ABR: variants seen among roughly 807,000 people sequenced by gnomAD.
ABR encodes active breakpoint cluster region-related protein.
In ABR, 35 loss-of-function variants were observed where a neutral mutation model predicts 107.2. The observed-to-expected ratio is 0.33, with a 90% CI of 0.25 to 0.43. The LOEUF is 0.43. Ranked by LOEUF, ABR falls within the 20% of genes least tolerant of loss-of-function variation. The probability of loss-of-function intolerance (pLI) is 1.00; values close to 1 mark genes in which losing one functional copy is unlikely to be tolerated. For synonymous variants in ABR, 498 were observed against 462.0 expected (o/e 1.08, Z -1.00); for missense variants, 815 against 1,115.2 (o/e 0.73, Z 3.83).
At chr17:1,192,302 A>G (rs559471753), upstream of ABR, among the ~76,000 whole-genome samples, 1 of 152,216 alleles carries the variant, frequency 6.6e-6, no homozygotes, top group Admixed American at 6.5e-5. Flanking sequence ...ATTTCACTGA[A>G]TATTCCCTGA....
At chr17:1,056,001 G>A (rs770260297) in intron 14 of ABR, 34 bp downstream of exon 14, 2 of 1,594,304 alleles carry the variant, frequency 1.3e-6, no homozygotes, top group Non-Finnish European at 1.7e-6. Flanking sequence ...ATCCACAATG[G>A]CCCACCCAAC....
At chr17:1,152,170 G>A (rs1451522670) in intron 1 of ABR, among the ~76,000 whole-genome samples, 2 of 152,154 alleles carry the variant, frequency 1.3e-5, no homozygotes, top group Non-Finnish European at 2.9e-5. Flanking sequence ...GGTGCCTGTA[G>A]TCCCATCTAC....
chr17:1,065,598 G>A (rs1231744573), intron 10 of ABR, among the ~76,000 whole-genome samples: 2 of 152,184 alleles, frequency 1.3e-5, no homozygotes, highest in African/African-American at 4.8e-5. Context: ...GGCTATTCAT[G>A]TTCCTCTAAA....
intron 16 of ABR, among the ~76,000 whole-genome samples, chr17:1,020,019 A>G (rs1057424099): frequency 6.6e-6 from 1 of 152,146 alleles, no homozygotes; most frequent in African/African-American, 2.4e-5. Flanking sequence ...CAAAAGGCGG[A>G]CGAACGACTG....
At position 1,078,961 on chromosome 17, in the gene ABR, ACGGACTCCAGCATCGGGCAGCCGCTC is replaced by A; in HGVS notation, c.700+343_700+368del. On this transcript the variant is annotated intron_variant, in intron 6 of 22. Transcript: ENST00000302538. The surrounding 1 kb of genome is among the most constrained non-coding windows in gnomAD (Gnocchi z 7.5). ...TCAGCCACCTTGCTGATGCTGCCGC[ACGGACTCCAGCATCGGGCAGCCGCTC>A]CGGAGTGCTCTTCCAGCAAGGGGGA... 6.6e-7 allele frequency: 1 copy of A among 1,508,786 alleles called. No individual in the cohort carries two copies. Among genetic ancestry groups the A allele is most frequent in the East Asian group, 2.5e-5 (1 of 39,682 alleles). 93.5% of individuals were successfully genotyped at this position (1,508,786 alleles called of 1,614,324 possible). A position where few individuals can be genotyped will look rare whatever the true frequency, so the allele number is the denominator to read the frequency against.
chr17:1,128,415 G>A (rs771408196), intron 1 of ABR, among the ~76,000 whole-genome samples: 1 of 152,228 alleles, frequency 6.6e-6, no homozygotes, highest in Non-Finnish European at 1.5e-5. Context: ...CCATTTCCCC[G>A]CCGACTAACA....
Position 1,010,087 on chromosome 17 carries a change from T to C in ABR, c.2237-303A>G. Reference sequence around the variant, plus strand: ...CCCTGTCTCGTAACAGGACACCCCCTGGTCTGTGTGGCTAAGGTTAAGCCA... The same window carrying C: ...CCCTGTCTCGTAACAGGACACCCCCCGGTCTGTGTGGCTAAGGTTAAGCCA... On this transcript the variant is annotated intron_variant, in intron 20 of 22. Transcript: ENST00000302538. This position sits in a 1 kb window ranked among gnomAD's most constrained non-coding sequence, Gnocchi z 4.1. 1 of 493,566 alleles carries C rather than the reference T, an allele frequency of 2.0e-6. No homozygotes were observed. Among genetic ancestry groups the C allele is most frequent in the Non-Finnish European group, 3.7e-6 (1 of 270,636 alleles). 30.6% of individuals were successfully genotyped at this position (493,566 alleles called of 1,614,324 possible).
chr17:1,190,855 G>A (rs1420274571), upstream of ABR, among the ~76,000 whole-genome samples: 1 of 152,232 alleles, frequency 6.6e-6, no homozygotes, highest in South Asian at 2.1e-4. Context: ...TCCCAGGAAT[G>A]ACTTTGATGA....
intron 1 of ABR, among the ~76,000 whole-genome samples, chr17:1,225,985 C>T (rs28687296): frequency 0.45 from 68,595 of 152,046 alleles, 15,905 homozygotes; most frequent in Middle Eastern, 0.5. Flanking sequence ...CCAGTGTACA[C>T]ATACGCGTCC....
rs532072360 is a variant in ABR at position 1,157,809 on chromosome 17, G to A, written c.61+21858C>T. On this transcript the variant is annotated intron_variant, in intron 1 of 22. Coordinates refer to ENST00000302538, the MANE Select transcript of ABR (RefSeq NM_021962.5). This position sits in a 1 kb window ranked among gnomAD's most constrained non-coding sequence, Gnocchi z 4.7. Reference sequence around the variant, plus strand: ...ACAGAACCTCAGGCGCACCCAGGCAGACCCACGATGGGGTGCACTCAGCCC... The same window carrying A: ...ACAGAACCTCAGGCGCACCCAGGCAAACCCACGATGGGGTGCACTCAGCCC... 1.3e-5 allele frequency among the ~76,000 whole-genome samples: 2 copies of A among 152,370 alleles called. No homozygotes were observed. Among genetic ancestry groups the A allele is most frequent in the South Asian group, 2.1e-4 (1 of 4,826 alleles).
rs1335785622 is a variant in ABR at position 1,084,382 on chromosome 17, G to C, written c.532-755C>G. Reference sequence around the variant, plus strand: ...ACAGAGTAAGACTCCGTCTCAAAAAGAAAACAAAACAACAAATGAAGATGC... The same window carrying C: ...ACAGAGTAAGACTCCGTCTCAAAAACAAAACAAAACAACAAATGAAGATGC... On this transcript the variant is annotated intron_variant, in intron 4 of 22. Transcript: ENST00000302538. This position sits in a 1 kb window ranked among gnomAD's most constrained non-coding sequence, Gnocchi z 4.2. 6.6e-6 allele frequency among the ~76,000 whole-genome samples: 1 copy of C among 152,126 alleles called. No homozygotes were observed. The highest frequency in any genetic ancestry group is 1.9e-4 in the East Asian group (1 of 5,194).
At position 1,004,935 on chromosome 17, in the gene ABR, C is replaced by T. The variant is rs1007279653; in HGVS notation, c.*1145G>A. On this transcript the variant is annotated 3_prime_UTR_variant, in exon 23 of 23. Coordinates refer to ENST00000302538, the MANE Select transcript of ABR (RefSeq NM_021962.5). The stretch of plus-strand genomic sequence containing the variant: ...ATCTAAGGCAAGAGTACCACGAGGT[C>T]CTGCGGTGCCAGGGAGCTCCTGGCT... 1 of 398,434 alleles carries T rather than the reference C, an allele frequency of 2.5e-6. No individual in the cohort carries two copies. The highest frequency in any genetic ancestry group is 3.6e-5 in the East Asian group (1 of 28,084). The allele number at this position is 398,434 out of a possible 1,614,324, so 24.7% of individuals were successfully genotyped here.
chr17:1,173,349 C>T (rs1354930017), intron 1 of ABR, among the ~76,000 whole-genome samples: 1 of 146,116 alleles, frequency 6.8e-6, no homozygotes, highest in African/African-American at 2.6e-5. Context: ...CACCTCAGTC[C>T]ACTCAACACA....
rs148756057 is a variant in ABR, at chr17:1,049,231, G to C, written c.1791+819C>G. On this transcript the variant is annotated intron_variant, in intron 16 of 22. Transcript: ENST00000302538. ...CGGTCTGACTCCATCACCCAGGCGC[G>C]ATCTCAGCTCACTGCAACCTCTACC... 1.8e-3 allele frequency among the ~76,000 whole-genome samples: 268 copies of C among 152,038 alleles called. 3 individuals carry two copies. The highest frequency in any genetic ancestry group is 6.3e-3 in the African/African-American group (260 of 41,464).
At chr17:1,108,261 C>T (rs1011169988) in intron 2 of ABR, among the ~76,000 whole-genome samples, 2 of 152,156 alleles carry the variant, frequency 1.3e-5, no homozygotes, top group African/African-American at 4.8e-5. Context: ...TCCGGGGCCG[C>T]CCCGCTCCTC....
upstream of ABR, among the ~76,000 whole-genome samples, chr17:1,182,657 C>T (rs1022970059): frequency 4.6e-5 from 7 of 152,192 alleles, no homozygotes; most frequent in Non-Finnish European, 5.9e-5. Flanking sequence ...TGAGCCACCG[C>T]GCCCGGCCTG....
chr17:1,124,498 G>A (rs528431262), intron 2 of ABR, among the ~76,000 whole-genome samples: 11 of 152,318 alleles, frequency 7.2e-5, no homozygotes, highest in African/African-American at 1.2e-4. Context: ...TCTCCGACAG[G>A]CACACACGAG....
At chr17:1,108,659 G>C (rs2038422998) in intron 2 of ABR, among the ~76,000 whole-genome samples, 1 of 152,236 alleles carries the variant, frequency 6.6e-6, no homozygotes, top group Admixed American at 6.5e-5. Flanking sequence ...AGGCGGCGAG[G>C]CTCGGGCTGA....
At position 1,179,326 on chromosome 17, in the gene ABR, G is replaced by A. The variant is rs1023492865; in HGVS notation, c.61+341C>T. On this transcript the variant is annotated intron_variant, in intron 1 of 22. Transcript: ENST00000302538. This position sits in a 1 kb window ranked among gnomAD's most constrained non-coding sequence, Gnocchi z 4.9. The stretch of plus-strand genomic sequence containing the variant: ...GCACCCAGAAGGGCCTCCCTCCCCT[G>A]AGGCTCGCGGAGGCCGGGTTCACAA... 6.6e-6 allele frequency among the ~76,000 whole-genome samples: 1 copy of A among 152,100 alleles called. No homozygotes were observed. Among genetic ancestry groups the A allele is most frequent in the African/African-American group, 2.4e-5 (1 of 41,422 alleles).
Sources: allele counts gnomAD v4.1 joint callset (sites outside exome capture counted in the v4.1 genomes callset), GRCh38; gene constraint gnomAD v4.1.1; non-coding constraint Gnocchi (gnomAD v3.1); transcripts MANE v1.5; gene names NCBI Gene and HGNC (gene_info 2026-07-23, HGNC 2026-07-21).